TIMM23: variants seen among roughly 807,000 people sequenced by gnomAD.
TIMM23 encodes translocase of inner mitochondrial membrane 23.
Under a neutral mutation model 30.7 loss-of-function variants are expected in TIMM23, and 19 were observed. The observed-to-expected ratio is 0.62, with a 90% CI of 0.43 to 0.91. The LOEUF is 0.91. Ranked by LOEUF, TIMM23 falls within the 40% of genes least tolerant of loss-of-function variation. The pLI, the probability that TIMM23 is intolerant of heterozygous loss-of-function variation, is 0.00. For missense variants in TIMM23, 202 were observed against 269.2 expected, an observed-to-expected ratio of 0.75 and a Z score of 1.75; for synonymous variants, 78 against 98.5, an observed-to-expected ratio of 0.79 and a Z score of 1.23.
intron 2 of TIMM23, among the ~76,000 whole-genome samples, chr10:45,978,083 G>A (rs1837731646): frequency 6.6e-6 from 1 of 152,072 alleles, no homozygotes; most frequent in South Asian, 2.1e-4. Flanking sequence ...TGGCGCAGTG[G>A]CTCGTGCCTA....
chr10:45,985,153 T>C (rs1174612058), intron 4 of TIMM23, among the ~76,000 whole-genome samples: 30 of 152,188 alleles, frequency 2.0e-4, no homozygotes, highest in Non-Finnish European at 4.0e-4. Context: ...TAAGGACTTA[T>C]ATAAAAGTCC....
At chr10:45,985,702 C>T (rs1455434651) in intron 5 of TIMM23, among the ~76,000 whole-genome samples, 6 of 152,214 alleles carry the variant, frequency 3.9e-5, no homozygotes, top group African/African-American at 9.6e-5. Context: ...CCAAGCACAA[C>T]ACCCAATAAA....
At chr10:45,999,402 A>C (rs2132284751) in intron 6 of TIMM23, among the ~76,000 whole-genome samples, 1 of 152,214 alleles carries the variant, frequency 6.6e-6, no homozygotes, top group South Asian at 2.1e-4. Flanking sequence ...AGCCAGCTTG[A>C]GAAATAAAGG....
At chr10:45,992,897 G>C (rs1337631186) in intron 6 of TIMM23, among the ~76,000 whole-genome samples, 2 of 152,108 alleles carry the variant, frequency 1.3e-5, no homozygotes, top group East Asian at 3.9e-4. Context: ...TCTGTAATTT[G>C]CTCCCTTGCC....
Position 45,972,651 on chromosome 10 carries a change from C to A in TIMM23, c.27C>A (p.Asn9Lys), listed in dbSNP as rs149000982. The A allele has an allele frequency of 6.2e-7, 1 of 1,613,822 alleles. No homozygotes were observed. Among genetic ancestry groups the A allele is most frequent in the African/African-American group, 1.3e-5 (1 of 74,906 alleles). ...TGGAAGGAGGCGGGGGAAGCGGCAACAAAACCACAGGGGGATTGGCCGGCT... is the reference window on the plus strand; with the variant it reads ...TGGAAGGAGGCGGGGGAAGCGGCAAAAAAACCACAGGGGGATTGGCCGGCT... MEGGGGSG[N>K]KTTGGLAGFF... Residue 9 changes from asparagine to lysine, a missense_variant, in exon 1 of 7, where the codon AAC becomes AAA. Asn to Lys is a moderately conservative substitution (Grantham distance 94, BLOSUM62 0). Coordinates refer to ENST00000580018, the MANE Select transcript of TIMM23 (RefSeq NM_006327.4).
intron 2 of TIMM23, among the ~76,000 whole-genome samples, chr10:45,977,201 T>TC (rs1222936713): frequency 6.7e-6 from 1 of 149,112 alleles, no homozygotes; most frequent in East Asian, 1.9e-4. Context: ...CCTGTCAAAA[T>TC]CCCAGCTGGC....
intron 6 of TIMM23, among the ~76,000 whole-genome samples, chr10:46,001,650 G>A (rs1246282301): frequency 2.6e-5 from 4 of 152,082 alleles, no homozygotes; most frequent in African/African-American, 9.7e-5. Flanking sequence ...CCACAACTCC[G>A]CTCTACCTCT....
chr10:45,980,633 A>G (rs2132251460), intron 2 of TIMM23, among the ~76,000 whole-genome samples: 1 of 152,142 alleles, frequency 6.6e-6, no homozygotes, highest in Non-Finnish European at 1.5e-5. Flanking sequence ...CAGCAAGTAC[A>G]TTGATACCCA....
At chr10:45,981,741 G>A (rs1837852194) in intron 2 of TIMM23, among the ~76,000 whole-genome samples, 1 of 152,166 alleles carries the variant, frequency 6.6e-6, no homozygotes, top group Non-Finnish European at 1.5e-5. Context: ...AGCCATTAGA[G>A]GCTTATTTTA....
At chr10:45,993,535 T>C (rs1554916222) in intron 6 of TIMM23, among the ~76,000 whole-genome samples, 1 of 151,984 alleles carries the variant, frequency 6.6e-6, no homozygotes, top group East Asian at 1.9e-4. Flanking sequence ...GCCTGGGCGA[T>C]AGAGCGAGTC....
chr10:46,002,562 TAC>T (rs1465010335), intron 6 of TIMM23: 23 of 918,844 alleles, frequency 2.5e-5, no homozygotes, highest in Non-Finnish European at 7.8e-6. Flanking sequence ...TTGTTTACAT[TAC>T]AGACTTAAAT....
intron 2 of TIMM23, 89 bp downstream of exon 2, chr10:45,975,601 A>G (rs1837649656): frequency 7.9e-5 from 122 of 1,544,518 alleles, no homozygotes; most frequent in Admixed American, 1.5e-4. Flanking sequence ...TATGACATAC[A>G]CTTTTGGAGG....
In TIMM23 at chr10:46,003,355, A is replaced by G. The variant is rs902310732; in HGVS notation, c.*37A>G. 7.3e-7 allele frequency: 1 copy of G among 1,373,474 alleles called. No homozygotes were observed. Among genetic ancestry groups the G allele is most frequent in the Non-Finnish European group, 1.0e-6 (1 of 962,716 alleles). 85.1% of individuals were successfully genotyped at this position (1,373,474 alleles called of 1,614,324 possible). On this transcript the variant is annotated 3_prime_UTR_variant, in exon 7 of 7. Coordinates refer to ENST00000580018, the MANE Select transcript of TIMM23 (RefSeq NM_006327.4). ...ACTCATGAATGGAGGACACTTCAGTAGTCATCTAGATCCTTTTATAAGACA... is the reference window on the plus strand; with the variant it reads ...ACTCATGAATGGAGGACACTTCAGTGGTCATCTAGATCCTTTTATAAGACA...
At chr10:45,979,597 A>G (rs1554913716) in intron 2 of TIMM23, among the ~76,000 whole-genome samples, 1 of 115,282 alleles carries the variant, frequency 8.7e-6, no homozygotes, top group South Asian at 3.0e-4. Flanking sequence ...ATGAGCCACC[A>G]TGCCTGGCCT....
intron 4 of TIMM23, among the ~76,000 whole-genome samples, chr10:45,983,675 A>G (rs1269877931): frequency 6.6e-6 from 1 of 152,146 alleles, no homozygotes; most frequent in African/African-American, 2.4e-5. Flanking sequence ...TCTTCCTTTC[A>G]TATTGTTCAG....
At position 45,986,073 on chromosome 10, in the gene TIMM23, T is replaced by C. The variant is rs1354750147; in HGVS notation, c.403+632T>C. On this transcript the variant is annotated intron_variant, in intron 5 of 6. Transcript: ENST00000580018. ...CCAAAATTTTCCTACTGTATGAACT[T>C]AGTTGAAAATCTCAATTTAAATTGT... Among the ~76,000 whole-genome samples, 117 of 152,308 alleles carry C rather than the reference T, an allele frequency of 7.7e-4. 1 individual carries two copies. The highest frequency in any genetic ancestry group is 2.8e-3 in the African/African-American group (117 of 41,572).
At chr10:45,977,355 G>A (rs1837705198) in intron 2 of TIMM23, among the ~76,000 whole-genome samples, 1 of 151,898 alleles carries the variant, frequency 6.6e-6, no homozygotes, top group Admixed American at 6.6e-5. Flanking sequence ...CATCATGATA[G>A]TAACATAAGA....
chr10:45,993,407 G>A (rs1554916189), intron 6 of TIMM23, among the ~76,000 whole-genome samples: 3 of 151,892 alleles, frequency 2.0e-5, no homozygotes, highest in South Asian at 2.1e-4. Context: ...CATGCACCAC[G>A]ATGCCTGGCT....
At position 45,993,244 on chromosome 10, in the gene TIMM23, CTT is replaced by C. The variant is rs782013689; in HGVS notation, c.514+4413_514+4414del. ...TTGCCAGTGTGAGCATCTACCATCACTTTTTTTTTTTTTTTTTGGAGACTGAG... is the reference window on the plus strand; with the variant it reads ...TTGCCAGTGTGAGCATCTACCATCACTTTTTTTTTTTTTTTGGAGACTGAG... On this transcript the variant is annotated intron_variant, in intron 6 of 6. Transcript: ENST00000580018. Among the ~76,000 whole-genome samples, 13 of 72,038 alleles carry C rather than the reference CTT, an allele frequency of 1.8e-4. 1 individual carries two copies. The highest frequency in any genetic ancestry group is 2.7e-4 in the Non-Finnish European group (11 of 40,472). The allele number at this position is 72,038 out of a possible 152,430, so 47.3% of individuals were successfully genotyped here.
Sources: allele counts gnomAD v4.1 joint callset (sites outside exome capture counted in the v4.1 genomes callset), GRCh38; gene constraint gnomAD v4.1.1; transcripts MANE v1.5; gene names NCBI Gene and HGNC (gene_info 2026-07-23, HGNC 2026-07-21).